EIF2AK1: variants seen among roughly 807,000 people sequenced by gnomAD.
EIF2AK1 encodes the protein eukaryotic translation initiation factor 2-alpha kinase 1.
A neutral mutation model predicts 77.9 loss-of-function variants in EIF2AK1; 54 were observed. The observed-to-expected ratio is 0.69, with a 90% CI of 0.56 to 0.87. The LOEUF (loss-of-function observed/expected upper bound fraction) is 0.87. EIF2AK1 is among the 40% of genes least tolerant of loss of function. The probability of loss-of-function intolerance (pLI) is 0.00; values close to 1 mark genes in which losing one functional copy is unlikely to be tolerated. For missense variants in EIF2AK1, 810 were observed against 768.6 expected, an observed-to-expected ratio of 1.05 and a Z score of -0.64; for synonymous variants, 314 against 290.5, an observed-to-expected ratio of 1.08 and a Z score of -0.82.
rs1024948832 is a variant in EIF2AK1, at chr7:6,031,629, T to C, written c.1333-2597A>G. On this transcript the variant is annotated intron_variant, in intron 11 of 14. Transcript: ENST00000199389. ...CTGCTCAGTCACTTCTGGAAAAAAG[T>C]CAGGCTGCTTAGAAAGAAGCATGAT... The C allele has an allele frequency of 3.2e-6, 5 of 1,542,870 alleles. No individual in the cohort carries two copies. The Admixed American group carries it at 5.9e-5, about 18-fold the overall frequency.
chr7:6,036,561 T>C lies in EIF2AK1; in HGVS notation c.1332+863A>G, dbSNP rs1301869603. Among the ~76,000 whole-genome samples the C allele has an allele frequency of 6.7e-6, 1 of 150,306 alleles. No homozygotes were observed. Among genetic ancestry groups the C allele is most frequent in the East Asian group, 2.1e-4 (1 of 4,692 alleles). Reference sequence around the variant, plus strand: ...AGTGATTTGTCTATTAACATTTTTGTTCCTAGGTTTTTTTTTTTTTCATGC... The same window carrying C: ...AGTGATTTGTCTATTAACATTTTTGCTCCTAGGTTTTTTTTTTTTTCATGC... On this transcript the variant is annotated intron_variant, in intron 11 of 14. Coordinates refer to ENST00000199389, the MANE Select transcript of EIF2AK1 (RefSeq NM_014413.4). The surrounding 1 kb of genome is among the most constrained non-coding windows in gnomAD (Gnocchi z 4.6).
chr7:6,032,724 G>C lies in EIF2AK1; in HGVS notation c.1333-3692C>G, dbSNP rs1184628276. The C allele has an allele frequency of 1.3e-6, 1 of 769,022 alleles. No homozygotes were observed. The highest frequency in any genetic ancestry group is 2.1e-6 in the Non-Finnish European group (1 of 484,616). The allele number at this position is 769,022 out of a possible 1,614,324, so 47.6% of individuals were successfully genotyped here. ...ACTTTCAATGCACATACCAGAAAAA[G>C]AGTGAGCCAATGAGACACTAAATAA... On this transcript the variant is annotated intron_variant, in intron 11 of 14. Transcript: ENST00000199389. The surrounding 1 kb of genome is among the most constrained non-coding windows in gnomAD (Gnocchi z 4.3).
chr7:6,056,628 A>ATATATATATGTACG (rs749747260), intron 1 of EIF2AK1, among the ~76,000 whole-genome samples: 1 of 75,938 alleles, frequency 1.3e-5, no homozygotes, highest in Non-Finnish European at 2.6e-5. Context: ...ATATATATAT[A>ATATATATATGTACG]TATATATAAA....
chr7:6,028,549 A>G, intron 13 of EIF2AK1, 66 bp downstream of exon 13: 1 of 1,528,254 alleles, frequency 6.5e-7, no homozygotes, highest in Non-Finnish European at 9.1e-7. Flanking sequence ...ACTGCACCCA[A>G]CCCTGTATTG....
chr7:6,025,168 C>A (rs17136307), intron 14 of EIF2AK1, among the ~76,000 whole-genome samples: 1 of 151,784 alleles, frequency 6.6e-6, no homozygotes. Context: ...AAAACTTTTG[C>A]AAGATAGTAG....
At chr7:6,055,403 G>A (rs887324391) in intron 1 of EIF2AK1, among the ~76,000 whole-genome samples, 1 of 149,070 alleles carries the variant, frequency 6.7e-6, no homozygotes, top group Non-Finnish European at 1.5e-5. Flanking sequence ...AGGAAAAATG[G>A]AAACTTTTCT....
At chr7:6,038,842 G>GC (rs1240296650) in intron 9 of EIF2AK1, among the ~76,000 whole-genome samples, 171 bp from the exon 10 acceptor site, 1 of 152,112 alleles carries the variant, frequency 6.6e-6, no homozygotes, top group Non-Finnish European at 1.5e-5. Flanking sequence ...CAGGACACAG[G>GC]CCCACCCAAG....
Position 6,024,594 on chromosome 7 carries a change from G to C in EIF2AK1, c.*79C>G, listed in dbSNP as rs1254737055. 1.3e-6 allele frequency: 2 copies of C among 1,595,054 alleles called. No homozygotes were observed. Among genetic ancestry groups the C allele is most frequent in the East Asian group, 2.3e-5 (1 of 44,354 alleles). ...CTTGTAAAGGCTTACTAAATACAACGAAGCATTGTACCAACTATACCCTAA... is the reference window on the plus strand; with the variant it reads ...CTTGTAAAGGCTTACTAAATACAACCAAGCATTGTACCAACTATACCCTAA... On this transcript the variant is annotated 3_prime_UTR_variant, in exon 15 of 15. Transcript: ENST00000199389.
At chr7:6,051,618 TG>T (rs1162496514) in intron 2 of EIF2AK1, among the ~76,000 whole-genome samples, 1 of 151,730 alleles carries the variant, frequency 6.6e-6, no homozygotes, top group Non-Finnish European at 1.5e-5. Flanking sequence ...TTAGTAGAGA[TG>T]GGGTTTCACC....
intron 10 of EIF2AK1, among the ~76,000 whole-genome samples, chr7:6,037,784 A>G (rs541679761): frequency 1.3e-5 from 2 of 151,996 alleles, no homozygotes; most frequent in East Asian, 3.9e-4. Flanking sequence ...TCTAACTTCA[A>G]TCACAGCCCT....
At chr7:6,028,815 T>C in intron 12 of EIF2AK1, 103 bp downstream of exon 12, 1 of 1,401,118 alleles carries the variant, frequency 7.1e-7, no homozygotes, top group Non-Finnish European at 1.0e-6. Context: ...TGTATCTTTA[T>C]CTTACCTTTG....
intron 1 of EIF2AK1, among the ~76,000 whole-genome samples, chr7:6,056,526 G>A (rs1462777170): frequency 1.4e-5 from 2 of 146,344 alleles, no homozygotes; most frequent in South Asian, 2.2e-4. Context: ...CTGGAGGGGC[G>A]GAGGTTGCAG....
Position 6,058,895 on chromosome 7 carries a change from C to G in EIF2AK1, c.118+71G>C, listed in dbSNP as rs1173009907. 2.2e-6 allele frequency: 3 copies of G among 1,363,950 alleles called. No homozygotes were observed. In the South Asian group the frequency reaches 4.3e-5, roughly 19 times the overall value. The allele number at this position is 1,363,950 out of a possible 1,614,324, so 84.5% of individuals were successfully genotyped here. On this transcript the variant is annotated intron_variant, in intron 1 of 14. Coordinates refer to ENST00000199389, the MANE Select transcript of EIF2AK1 (RefSeq NM_014413.4). ...CCAGGTCCTCAGGCAAACCTCAGGG[C>G]TGCCTTTGCCGCCCAGAAACGCAGG...
chr7:6,040,601 C>T (rs1200400987), intron 9 of EIF2AK1, among the ~76,000 whole-genome samples: 1 of 152,174 alleles, frequency 6.6e-6, no homozygotes, highest in Non-Finnish European at 1.5e-5. Flanking sequence ...ATGATGCTAA[C>T]ATACAACACA....
At chr7:6,053,844 T>TC (rs1001615972) in intron 2 of EIF2AK1, among the ~76,000 whole-genome samples, 4 of 150,174 alleles carry the variant, frequency 2.7e-5, no homozygotes, top group Non-Finnish European at 4.4e-5. Flanking sequence ...GTTTTGCATT[T>TC]TTTTTTTAAT....
chr7:6,036,246 C>T lies in EIF2AK1; in HGVS notation c.1332+1178G>A. ...CACCCTAATAAAGCAATCGCAAAAA[C>T]CTTTATCCCTACAGGGTATCTGCAA... On this transcript the variant is annotated intron_variant, in intron 11 of 14. Coordinates refer to ENST00000199389, the MANE Select transcript of EIF2AK1 (RefSeq NM_014413.4). This position sits in a 1 kb window ranked among gnomAD's most constrained non-coding sequence, Gnocchi z 4.6. 2 of 1,550,200 alleles carry T rather than the reference C, an allele frequency of 1.3e-6. No individual in the cohort carries two copies. Among genetic ancestry groups the T allele is most frequent in the Non-Finnish European group, 1.7e-6 (2 of 1,146,906 alleles).
Position 6,035,748 on chromosome 7 carries a change from A to G in EIF2AK1, c.1332+1676T>C, listed in dbSNP as rs1263528332. The G allele has an allele frequency of 6.4e-7, 1 of 1,550,950 alleles. No homozygotes were observed. The highest frequency in any genetic ancestry group is 8.7e-7 in the Non-Finnish European group (1 of 1,147,108). On this transcript the variant is annotated intron_variant, in intron 11 of 14. Transcript: ENST00000199389. This position sits in a 1 kb window ranked among gnomAD's most constrained non-coding sequence, Gnocchi z 5.5. ...TGAAGCCAGCATGACACCCCTTCAC[A>G]TGGCCGCAAACATGCTGAATAAGGA...
In EIF2AK1 at chr7:6,032,607, T is replaced by C. The variant is rs1369870779; in HGVS notation, c.1333-3575A>G. On this transcript the variant is annotated intron_variant, in intron 11 of 14. Coordinates refer to ENST00000199389, the MANE Select transcript of EIF2AK1 (RefSeq NM_014413.4). The surrounding 1 kb of genome is among the most constrained non-coding windows in gnomAD (Gnocchi z 4.3). ...CAAAGCTTTTGAGTGTTATTTCTGT[T>C]GCCTCAGTAAATGTGCATTTCTGTG... is the stretch of plus-strand genomic sequence containing the variant. 6.6e-6 allele frequency among the ~76,000 whole-genome samples: 1 copy of C among 152,262 alleles called. No individual in the cohort carries two copies. Among genetic ancestry groups the C allele is most frequent in the Non-Finnish European group, 1.5e-5 (1 of 68,048 alleles).
chr7:6,053,596 C>T (rs1788667859), intron 2 of EIF2AK1, among the ~76,000 whole-genome samples: 1 of 151,492 alleles, frequency 6.6e-6, no homozygotes, highest in African/African-American at 2.4e-5. Flanking sequence ...ATCTCTTGAC[C>T]TCATGATCCA....
Sources: gnomAD v4.1 joint callset for allele counts (sites outside exome capture counted in the v4.1 genomes callset) on GRCh38, gnomAD v4.1.1 for gene constraint, Gnocchi (gnomAD v3.1) non-coding constraint, MANE v1.5 for transcripts, NCBI Gene and HGNC (gene_info 2026-07-23, HGNC 2026-07-21) for gene names.